Variants in WDR49 observed in about 807,000 individuals in gnomAD.
WDR49 encodes the protein WD repeat domain 49, also known as cilia- and flagella-associated protein 337.
A neutral mutation model predicts 119.5 loss-of-function variants in WDR49; 107 were observed. The ratio of observed to expected loss-of-function variants is 0.90; its 90% CI spans 0.77 to 1.05. The LOEUF (loss-of-function observed/expected upper bound fraction) is 1.05, where lower values mean the gene tolerates loss of function less well. WDR49 is among the 50% of genes least tolerant of loss of function. WDR49 has a pLI of 0.00. For missense variants in WDR49, 1,240 were observed against 1,220.5 expected, an observed-to-expected ratio of 1.02 and a Z score of -0.24; for synonymous variants, 425 against 418.8, an observed-to-expected ratio of 1.01 and a Z score of -0.18.
chr3:167,650,852 C>A (rs1028808435), intron 2 of WDR49, among the ~76,000 whole-genome samples: 1 of 152,100 alleles, frequency 6.6e-6, no homozygotes, highest in African/African-American at 2.4e-5. Context: ...CTCTAATCTT[C>A]ATGAAAGCTC....
intron 16 of WDR49, among the ~76,000 whole-genome samples, chr3:167,518,387 C>T (rs916631492): frequency 3.9e-5 from 6 of 152,120 alleles, no homozygotes; most frequent in South Asian, 2.1e-4. Flanking sequence ...ACATCCTCTC[C>T]GGCTCCTGTT....
intron 16 of WDR49, among the ~76,000 whole-genome samples, chr3:167,517,868 A>T (rs1259728610): frequency 1.3e-5 from 2 of 151,884 alleles, no homozygotes; most frequent in Non-Finnish European, 2.9e-5. Flanking sequence ...ATATCTCCTA[A>T]TGCTATCCCT....
At chr3:167,597,697 A>T (rs1264736614) in intron 7 of WDR49, among the ~76,000 whole-genome samples, 6 of 152,202 alleles carry the variant, frequency 3.9e-5, no homozygotes, top group African/African-American at 1.4e-4. Flanking sequence ...CATGCCCTGT[A>T]TGTGAGACAT....
intron 8 of WDR49, among the ~76,000 whole-genome samples, chr3:167,571,217 G>C (rs962063767): frequency 1.1e-4 from 17 of 152,168 alleles, no homozygotes; most frequent in African/African-American, 3.9e-4. Flanking sequence ...AGAGGGTCTA[G>C]TATTCAAATT....
chr3:167,630,206 AACC>A (rs1717309883), intron 2 of WDR49, among the ~76,000 whole-genome samples: 2 of 152,118 alleles, frequency 1.3e-5, no homozygotes, highest in Admixed American at 1.3e-4. Context: ...AATCGTCAGC[AACC>A]ACCACCCTGA....
At chr3:167,489,290 G>C (rs776976847) in intron 18 of WDR49, among the ~76,000 whole-genome samples, 28 of 152,026 alleles carry the variant, frequency 1.8e-4, no homozygotes, top group Non-Finnish European at 3.2e-4. Context: ...GGCATGCAAA[G>C]GGGTTGGCTC....
At chr3:167,511,152 C>T (rs545592350) in intron 16 of WDR49, among the ~76,000 whole-genome samples, 1 of 152,018 alleles carries the variant, frequency 6.6e-6, no homozygotes, top group Non-Finnish European at 1.5e-5. Flanking sequence ...TGATCATATT[C>T]CTGGGAGAAC....
intron 7 of WDR49, among the ~76,000 whole-genome samples, chr3:167,600,018 T>C (rs1715680413): frequency 6.6e-6 from 1 of 152,058 alleles, no homozygotes; most frequent in Non-Finnish European, 1.5e-5. Flanking sequence ...CCAGGATATG[T>C]CTAGAAATGT....
intron 2 of WDR49, among the ~76,000 whole-genome samples, chr3:167,645,893 T>C (rs1304179733): frequency 6.6e-6 from 1 of 152,146 alleles, no homozygotes; most frequent in Non-Finnish European, 1.5e-5. Context: ...CAAAGGAACA[T>C]ATAGGAAGCT....
intron 8 of WDR49, among the ~76,000 whole-genome samples, chr3:167,569,834 A>G (rs997896915): frequency 6.6e-6 from 1 of 152,230 alleles, no homozygotes; most frequent in Non-Finnish European, 1.5e-5. Context: ...CTCGTTGTCT[A>G]CAGGACAGGA....
chr3:167,478,868 T>C lies in WDR49; in HGVS notation c.*10A>G, dbSNP rs768015953. 1 of 1,566,488 alleles carries C rather than the reference T, an allele frequency of 6.4e-7. No homozygotes were observed. Among genetic ancestry groups the C allele is most frequent in the Non-Finnish European group, 8.7e-7 (1 of 1,148,608 alleles). On this transcript the variant is annotated 3_prime_UTR_variant, in exon 19 of 19. Coordinates refer to ENST00000682715, the MANE Select transcript of WDR49 (RefSeq NM_001366157.1). ...TACCTTATGTAACAGTGAAGGTTTTTCTGTTGTAATTACTTCTTATTTTTC... is the reference window on the plus strand; with the variant it reads ...TACCTTATGTAACAGTGAAGGTTTTCCTGTTGTAATTACTTCTTATTTTTC...
intron 7 of WDR49, among the ~76,000 whole-genome samples, chr3:167,590,831 G>T (rs1715070968): frequency 6.6e-6 from 1 of 151,724 alleles, no homozygotes; most frequent in African/African-American, 2.4e-5. Flanking sequence ...GGCTAAGTTA[G>T]TCTGGCTAAA....
chr3:167,570,250 G>T (rs1713853759), intron 8 of WDR49, among the ~76,000 whole-genome samples: 1 of 152,190 alleles, frequency 6.6e-6, no homozygotes, highest in Non-Finnish European at 1.5e-5. Context: ...CTAAATGTAA[G>T]CCCTGAAAAG....
intron 2 of WDR49, among the ~76,000 whole-genome samples, chr3:167,649,554 A>G (rs916889031): frequency 5.9e-5 from 9 of 152,222 alleles, no homozygotes; most frequent in Admixed American, 5.2e-4. Flanking sequence ...CCCGTTAAGC[A>G]CAATTCTAGA....
At chr3:167,494,703 T>G in intron 18 of WDR49, among the ~76,000 whole-genome samples, 1 of 152,164 alleles carries the variant, frequency 6.6e-6, no homozygotes, top group East Asian at 1.9e-4. Flanking sequence ...TTTGGAAGTG[T>G]TTTGATGGCT....
chr3:167,524,500 T>A (rs1752565038), intron 15 of WDR49, among the ~76,000 whole-genome samples: 1 of 152,174 alleles, frequency 6.6e-6, no homozygotes, highest in South Asian at 2.1e-4. Context: ...TCCTGTATGG[T>A]TTTGCCTAGG....
At chr3:167,535,917 G>T (rs965164871) in intron 11 of WDR49, among the ~76,000 whole-genome samples, 1 of 152,068 alleles carries the variant, frequency 6.6e-6, no homozygotes, top group Non-Finnish European at 1.5e-5. Context: ...AAGAATAAAA[G>T]CTTGTCATTT....
At chr3:167,596,491 C>G (rs1430171453) in intron 7 of WDR49, among the ~76,000 whole-genome samples, 2 of 151,388 alleles carry the variant, frequency 1.3e-5, no homozygotes, top group African/African-American at 4.9e-5. Context: ...CAATGATAGA[C>G]TGGATTAAGA....
At position 167,507,166 on chromosome 3, in the gene WDR49, T is replaced by TG. The variant is rs752807674; in HGVS notation, c.2775-1751dup. On this transcript the variant is annotated intron_variant, in intron 16 of 18. Transcript: ENST00000682715. ...AGCACAATGCACATTTAAGAGGGGA[T>TG]GGGGGGGTAGTTAATCATGATTTCC... Among the ~76,000 whole-genome samples the TG allele has an allele frequency of 4.7e-4, 72 of 152,122 alleles. 1 individual carries two copies. Among genetic ancestry groups the TG allele is most frequent in the Non-Finnish European group, 7.2e-4 (49 of 67,992 alleles).
Sources: gnomAD v4.1 joint callset for allele counts (sites outside exome capture counted in the v4.1 genomes callset) on GRCh38, gnomAD v4.1.1 for gene constraint, MANE v1.5 for transcripts, NCBI Gene and HGNC (gene_info 2026-07-23, HGNC 2026-07-21) for gene names.